PAX9: variants seen among roughly 807,000 people sequenced by gnomAD.
PAX9 encodes paired box protein Pax-9.
Under a neutral mutation model 29.1 loss-of-function variants are expected in PAX9, and 6 were observed. That is an observed-to-expected ratio of 0.21 (90% CI 0.11 to 0.41). The LOEUF is 0.41. Among genes scored for constraint, PAX9 ranks in the 10% least tolerant of loss-of-function variants. The probability of loss-of-function intolerance (pLI) is 1.00; values close to 1 mark genes in which losing one functional copy is unlikely to be tolerated. For missense variants in PAX9, 443 were observed against 479.1 expected (o/e 0.92, Z 0.70); for synonymous variants, 217 against 211.7 (o/e 1.03, Z -0.22).
At chr14:36,675,394 GCAAA>G (rs965899133) in intron 3 of PAX9, among the ~76,000 whole-genome samples, 46 of 152,272 alleles carry the variant, frequency 3.0e-4, no homozygotes, top group Non-Finnish European at 6.6e-4. Context: ...CATTGTGTTT[GCAAA>G]CAAAGATTTT....
At position 36,662,106 on chromosome 14, in the gene PAX9, G is replaced by C. The variant is rs1400891680; in HGVS notation, c.4+13G>C. The C allele has an allele frequency of 2.6e-6, 4 of 1,536,974 alleles. No homozygotes were observed. Among genetic ancestry groups the C allele is most frequent in the African/African-American group, 1.4e-5 (1 of 72,436 alleles). On this transcript the variant is annotated intron_variant, in intron 1 of 3. Coordinates refer to ENST00000361487, the MANE Select transcript of PAX9 (RefSeq NM_001372076.1). ...CTCGGAGCAATGGGTGAGTGGCGGC[G>C]GGGGACTCTGTCAGAGCCGGGAAGG...
chr14:36,661,869 C>T lies in PAX9; in HGVS notation c.-221C>T. On this transcript the variant is annotated 5_prime_UTR_variant, in exon 1 of 4. Coordinates refer to ENST00000361487, the MANE Select transcript of PAX9 (RefSeq NM_001372076.1). ...CCGCCCTGCCCTGCTCAGCCCAGCC[C>T]ACGTTGCTGCTTAGATTGAAATGCA... 1 of 635,984 alleles carries T rather than the reference C, an allele frequency of 1.6e-6. No homozygotes were observed. The highest frequency in any genetic ancestry group is 2.8e-6 in the Non-Finnish European group (1 of 354,778). 39.4% of individuals were successfully genotyped at this position (635,984 alleles called of 1,614,324 possible). A position where few individuals can be genotyped will look rare whatever the true frequency, so the allele number is the denominator to read the frequency against.
At chr14:36,664,568 G>GTT (rs34440866) in intron 2 of PAX9, among the ~76,000 whole-genome samples, 5,011 of 141,972 alleles carry the variant, frequency 0.035, 300 homozygotes, top group African/African-American at 0.12. Context: ...CTTTTACTGA[G>GTT]TTTTTTTTTT....
chr14:36,676,048 T>C lies in PAX9; in HGVS notation c.772-150T>C, dbSNP rs2139122758. On this transcript the variant is annotated intron_variant, in intron 3 of 3. Transcript: ENST00000361487. ...CAAGACTGTGAATGTCTTTAGAATATAATAAAGCTCAAATTTTTTTAAAAA... is the reference window on the plus strand; with the variant it reads ...CAAGACTGTGAATGTCTTTAGAATACAATAAAGCTCAAATTTTTTTAAAAA... The C allele has an allele frequency of 1.2e-5, 8 of 686,832 alleles. 1 individual carries two copies. Among genetic ancestry groups the C allele is most frequent in the East Asian group, 8.1e-5 (3 of 36,902 alleles). 42.5% of individuals were successfully genotyped at this position (686,832 alleles called of 1,614,324 possible).
chr14:36,678,505 A>T lies in PAX9; in HGVS notation c.*2053A>T, dbSNP rs1882017888. The T allele has an allele frequency of 6.5e-7, 1 of 1,537,054 alleles. No homozygotes were observed. The highest frequency in any genetic ancestry group is 8.7e-7 in the Non-Finnish European group (1 of 1,146,762). On this transcript the variant is annotated 3_prime_UTR_variant, in exon 4 of 4. Transcript: ENST00000361487. Reference sequence around the variant, plus strand: ...CCAGTCTGGTGAGAAAATAGACTATAAACTGAATGGAACAAAGATCCAATC... The same window carrying T: ...CCAGTCTGGTGAGAAAATAGACTATTAACTGAATGGAACAAAGATCCAATC...
rs1213350595 is a variant in PAX9 at position 36,679,315 on chromosome 14, T to TTTA, written c.*2866_*2868dup. 4.1e-6 allele frequency: 4 copies of TTTA among 972,804 alleles called. No individual in the cohort carries two copies. The highest frequency in any genetic ancestry group is 1.1e-4 in the East Asian group (1 of 8,756). 60.3% of individuals were successfully genotyped at this position (972,804 alleles called of 1,614,324 possible). On this transcript the variant is annotated 3_prime_UTR_variant, in exon 4 of 4. Coordinates refer to ENST00000361487, the MANE Select transcript of PAX9 (RefSeq NM_001372076.1). ...TGTATATACAGTATGTCAAAAGCCT[T>TTTA]TTATTTTTATACTTCAAATGCTCTA...
Position 36,676,581 on chromosome 14 carries a change from A to T in PAX9, c.*129A>T. On this transcript the variant is annotated 3_prime_UTR_variant, in exon 4 of 4. Transcript: ENST00000361487. The stretch of plus-strand genomic sequence containing the variant: ...TCTGCCTTGAAAGCTGGCTGTACGG[A>T]CTCACATCCTTTGTGCTAATGACAC... 1 of 1,038,670 alleles carries T rather than the reference A, an allele frequency of 9.6e-7. No individual in the cohort carries two copies. Among genetic ancestry groups the T allele is most frequent in the Non-Finnish European group, 1.4e-6 (1 of 693,240 alleles). The allele number at this position is 1,038,670 out of a possible 1,614,324, so 64.3% of individuals were successfully genotyped here.
rs1594478842 is a variant in PAX9 at position 36,679,291 on chromosome 14, G to A, written c.*2839G>A. ...GGATGTACAACAGAAGGCTATGTAT[G>A]TATATACAGTATGTCAAAAGCCTTT... On this transcript the variant is annotated 3_prime_UTR_variant, in exon 4 of 4. Transcript: ENST00000361487. The A allele has an allele frequency of 1.0e-6, 1 of 974,994 alleles. No individual in the cohort carries two copies. Among genetic ancestry groups the A allele is most frequent in the Non-Finnish European group, 1.2e-6 (1 of 820,550 alleles). The allele number at this position is 974,994 out of a possible 1,614,324, so 60.4% of individuals were successfully genotyped here.
chr14:36,661,716 G>C (rs1051181682), upstream of PAX9: 1 of 371,710 alleles, frequency 2.7e-6, no homozygotes, highest in East Asian at 5.2e-5. Flanking sequence ...TGGGGAGCTA[G>C]CCTGAAAGAG....
chr14:36,673,530 C>CAGGGGGAACATCTCTGGGCGAAAAG (rs6145299), intron 3 of PAX9, among the ~76,000 whole-genome samples: 1 of 152,106 alleles, frequency 6.6e-6, no homozygotes, highest in African/African-American at 2.4e-5. Context: ...GGCCATCTTC[C>CAGGGGGAACATCTCTGGGCGAAAAG]AAGTGGGTCC....
At chr14:36,667,499 CA>C (rs1223682025) in intron 3 of PAX9, among the ~76,000 whole-genome samples, 1 of 152,160 alleles carries the variant, frequency 6.6e-6, no homozygotes, top group East Asian at 1.9e-4. Flanking sequence ...CTCTTAATCC[CA>C]AACTCAATTC....
rs1282177020 is a variant in PAX9, at chr14:36,676,531, C to A, written c.*79C>A. On this transcript the variant is annotated 3_prime_UTR_variant, in exon 4 of 4. Transcript: ENST00000361487. ...CTCCCCCAATTCCCAGGTCTCACAT[C>A]CCACCCCTCCTGCCCTCCAACCCTT... The A allele has an allele frequency of 5.9e-6, 9 of 1,520,200 alleles. No homozygotes were observed. The highest frequency in any genetic ancestry group is 5.4e-6 in the Non-Finnish European group (6 of 1,114,880). The allele number at this position is 1,520,200 out of a possible 1,614,324, so 94.2% of individuals were successfully genotyped here. A position where few individuals can be genotyped will look rare whatever the true frequency, so the allele number is the denominator to read the frequency against.
intron 2 of PAX9, 99 bp from the exon 3 acceptor site, chr14:36,666,363 C>A: frequency 6.7e-7 from 1 of 1,491,940 alleles, no homozygotes; most frequent in Non-Finnish European, 9.0e-7. Context: ...GACCCAAGGT[C>A]TAAGCCCTCC....
chr14:36,663,529 G>T lies in PAX9; in HGVS notation c.631+6G>T. ...CCGCTCCATCACCGACCAAGGTAGG[G>T]GCTCAGAGGCTGGGCGTGTGGATGT... On this transcript the variant is annotated splice_donor_region_variant and intron_variant, in intron 2 of 3. Coordinates refer to ENST00000361487, the MANE Select transcript of PAX9 (RefSeq NM_001372076.1). 6.2e-7 allele frequency: 1 copy of T among 1,612,666 alleles called. No homozygotes were observed. The highest frequency in any genetic ancestry group is 8.5e-7 in the Non-Finnish European group (1 of 1,179,902).
At chr14:36,670,559 T>G (rs1239867056) in intron 3 of PAX9, among the ~76,000 whole-genome samples, 7 of 152,062 alleles carry the variant, frequency 4.6e-5, no homozygotes, top group African/African-American at 1.4e-4. Flanking sequence ...GTCTTCATAT[T>G]AAAGTTAATT....
intron 3 of PAX9, among the ~76,000 whole-genome samples, chr14:36,675,329 A>T (rs1239702431): frequency 6.6e-6 from 1 of 152,214 alleles, no homozygotes; most frequent in Non-Finnish European, 1.5e-5. Flanking sequence ...ACAATAATTC[A>T]CTGGATGCCA....
chr14:36,666,356 C>T (rs1881486181), intron 2 of PAX9, 106 bp from the exon 3 acceptor site: 1 of 1,453,116 alleles, frequency 6.9e-7, no homozygotes, highest in African/African-American at 1.4e-5. Context: ...GGGAGCCGAC[C>T]CAAGGTCTAA....
At chr14:36,662,417 GGAAAA>G (rs750984890) in intron 1 of PAX9, among the ~76,000 whole-genome samples, 12 of 152,168 alleles carry the variant, frequency 7.9e-5, no homozygotes, top group Admixed American at 2.0e-4. Context: ...AAACAAAACA[GGAAAA>G]GAAAAGAAAA....
chr14:36,675,801 A>G lies in PAX9; in HGVS notation c.772-397A>G, dbSNP rs1463548616. Among the ~76,000 whole-genome samples, 3 of 152,198 alleles carry G rather than the reference A, an allele frequency of 2.0e-5. No homozygotes were observed. In the East Asian group the frequency reaches 5.8e-4, roughly 29 times the overall value. On this transcript the variant is annotated intron_variant, in intron 3 of 3. Transcript: ENST00000361487. Reference sequence around the variant, plus strand: ...CAGGCCTGTCACAAGTGCCTCAACAAAAGAGCCAAACAAAACCCAAGTCCC... The same window carrying G: ...CAGGCCTGTCACAAGTGCCTCAACAGAAGAGCCAAACAAAACCCAAGTCCC...
Sources: allele counts gnomAD v4.1 joint callset (sites outside exome capture counted in the v4.1 genomes callset), GRCh38; gene constraint gnomAD v4.1.1; transcripts MANE v1.5; gene names NCBI Gene and HGNC (gene_info 2026-07-23, HGNC 2026-07-21).